The following NCKAP5 variants were observed in gnomAD, a reference collection of about 807,000 sequenced individuals.
NCKAP5 encodes NCK associated protein 5.
A neutral mutation model predicts 167.0 loss-of-function variants in NCKAP5; 92 were observed. The observed-to-expected ratio is 0.55, with a 90% CI of 0.47 to 0.66. The LOEUF is 0.66. Among genes scored for constraint, NCKAP5 ranks in the 30% least tolerant of loss-of-function variants. NCKAP5 has a pLI of 0.00. For missense variants in NCKAP5, 2,378 were observed against 2,315.0 expected (o/e 1.03, Z -0.56); for synonymous variants, 891 against 877.4 (o/e 1.02, Z -0.27).
intron 3 of NCKAP5, among the ~76,000 whole-genome samples, chr2:133,424,431 G>T (rs573281395): frequency 2.0e-5 from 3 of 152,158 alleles, no homozygotes; most frequent in Non-Finnish European, 4.4e-5. Context: ...AAATAATTAC[G>T]CATCTTGTCT....
intron 18 of NCKAP5, among the ~76,000 whole-genome samples, chr2:132,727,216 T>C (rs1558976206): frequency 6.6e-6 from 1 of 151,670 alleles, no homozygotes; most frequent in Non-Finnish European, 1.5e-5. Flanking sequence ...CAAGAGTAAC[T>C]TTTTTTTTCC....
intron 6 of NCKAP5, among the ~76,000 whole-genome samples, chr2:133,003,422 T>G (rs931275344): frequency 2.0e-5 from 3 of 152,206 alleles, no homozygotes; most frequent in African/African-American, 4.8e-5. Context: ...TGGAAAATGT[T>G]GGTTTAGAAC....
At chr2:133,124,054 T>C (rs1349529460) in intron 6 of NCKAP5, among the ~76,000 whole-genome samples, 2 of 152,196 alleles carry the variant, frequency 1.3e-5, no homozygotes, top group Admixed American at 1.3e-4. Context: ...AAGTTCAGCA[T>C]GCAGCAGACT....
At chr2:133,406,713 C>T (rs541704437) in intron 3 of NCKAP5, among the ~76,000 whole-genome samples, 1 of 152,282 alleles carries the variant, frequency 6.6e-6, no homozygotes, top group Admixed American at 6.5e-5. Context: ...GGTAGGAATG[C>T]AGGTATAGCT....
the NCKAP5 span, among the ~76,000 whole-genome samples, chr2:133,615,713 C>T: frequency 0.021 from 3,250 of 152,264 alleles, 202 homozygotes; most frequent in East Asian, 0.23. Flanking sequence ...GAGACTTTAA[C>T]ACCCCACTGT....
At chr2:133,616,639 C>T in the NCKAP5 span, among the ~76,000 whole-genome samples, 1 of 151,102 alleles carries the variant, frequency 6.6e-6, no homozygotes, top group Non-Finnish European at 1.5e-5. Flanking sequence ...ATAACAGGAG[C>T]TGAAATTGTG....
chr2:132,938,886 A>G (rs1418568114), intron 8 of NCKAP5, among the ~76,000 whole-genome samples: 1 of 152,092 alleles, frequency 6.6e-6, no homozygotes, highest in Non-Finnish European at 1.5e-5. Flanking sequence ...CCCTTGCCCC[A>G]GCCCCCGCCC....
chr2:133,064,797 ATC>A (rs776466374), intron 6 of NCKAP5, among the ~76,000 whole-genome samples: 12 of 152,112 alleles, frequency 7.9e-5, no homozygotes, highest in Non-Finnish European at 8.8e-5. Context: ...TTGCCATCTA[ATC>A]TCTCTCTCTG....
intron 3 of NCKAP5, among the ~76,000 whole-genome samples, chr2:133,310,488 C>A (rs1681155870): frequency 6.6e-6 from 1 of 152,234 alleles, no homozygotes; most frequent in Admixed American, 6.5e-5. Context: ...TGTCTTATGA[C>A]CAGTGCCTAC....
chr2:133,112,966 C>T (rs1228569768), intron 6 of NCKAP5, among the ~76,000 whole-genome samples: 1 of 152,146 alleles, frequency 6.6e-6, no homozygotes, highest in East Asian at 1.9e-4. Flanking sequence ...AAACGTGTCC[C>T]CAGATAACAG....
At chr2:133,619,403 A>G in the NCKAP5 span, among the ~76,000 whole-genome samples, 1 of 152,008 alleles carries the variant, frequency 6.6e-6, no homozygotes, top group Non-Finnish European at 1.5e-5. Flanking sequence ...AAACAATCAC[A>G]ACTTCTGAAA....
intron 3 of NCKAP5, among the ~76,000 whole-genome samples, chr2:133,383,434 T>C (rs1013006953): frequency 2.0e-5 from 3 of 152,252 alleles, no homozygotes; most frequent in Non-Finnish European, 2.9e-5. Context: ...ATGGTGTATA[T>C]GTGCCACATT....
chr2:133,659,449 T>C, the NCKAP5 span, among the ~76,000 whole-genome samples: 1 of 152,178 alleles, frequency 6.6e-6, no homozygotes, highest in Admixed American at 6.5e-5. Flanking sequence ...CTTTTATTTT[T>C]AGAAATAATA....
At chr2:133,491,996 T>C (rs1681493970) in intron 3 of NCKAP5, among the ~76,000 whole-genome samples, 1 of 152,186 alleles carries the variant, frequency 6.6e-6, no homozygotes, top group Non-Finnish European at 1.5e-5. Flanking sequence ...CTTCTCTATG[T>C]TACCTTCTCC....
At chr2:133,150,978 T>C (rs895179496) in intron 5 of NCKAP5, among the ~76,000 whole-genome samples, 2 of 152,166 alleles carry the variant, frequency 1.3e-5, no homozygotes, top group African/African-American at 4.8e-5. Context: ...ATGATCTCAC[T>C]TTATATTAAA....
At chr2:133,347,152 G>A (rs1435422935) in intron 3 of NCKAP5, among the ~76,000 whole-genome samples, 1 of 152,204 alleles carries the variant, frequency 6.6e-6, no homozygotes, top group Non-Finnish European at 1.5e-5. Context: ...ACGTAGTAAT[G>A]TTACGGATAA....
chr2:132,688,689 G>C (rs1204148556), intron 19 of NCKAP5, among the ~76,000 whole-genome samples: 1 of 152,104 alleles, frequency 6.6e-6, no homozygotes, highest in East Asian at 1.9e-4. Flanking sequence ...CAAAACACAT[G>C]ATTTGGCTCT....
At chr2:133,080,645 T>C (rs1213372444) in intron 6 of NCKAP5, among the ~76,000 whole-genome samples, 6 of 152,172 alleles carry the variant, frequency 3.9e-5, no homozygotes, top group Non-Finnish European at 7.4e-5. Context: ...AGAGCACTTC[T>C]TAAAAAATGA....
In NCKAP5 at chr2:132,783,569, G is replaced by A. The variant is rs767975351; in HGVS notation, c.3242C>T (p.Ser1081Phe). Residue 1081 changes from serine (S) to phenylalanine (F), a missense_variant, in exon 14 of 20, where the codon TCC becomes TTC. Physicochemically the swap from Ser to Phe is radical, Grantham distance 155 (BLOSUM62 -2). Transcript: ENST00000409261. Reference protein sequence around the residue: ...STHEPLEMTSSKSVSPGRKGQ... With the variant: ...STHEPLEMTSFKSVSPGRKGQ... ...TTTTCTCCCTGGAGATACACTTTTG[G>A]AGGACGTCATTTCCAGTGGCTCATG... 2 of 1,613,852 alleles carry A rather than the reference G, an allele frequency of 1.2e-6. No homozygotes were observed. The highest frequency in any genetic ancestry group is 4.5e-5 in the East Asian group (2 of 44,870).
Sources: gnomAD v4.1 joint callset for allele counts (sites outside exome capture counted in the v4.1 genomes callset) on GRCh38, gnomAD v4.1.1 for gene constraint, MANE v1.5 for transcripts, NCBI Gene and HGNC (gene_info 2026-07-23, HGNC 2026-07-21) for gene names.